The following TXNDC8 variants were observed in gnomAD, a reference collection of about 807,000 sequenced individuals.
TXNDC8 encodes the protein thioredoxin domain containing 8, also known as thioredoxin domain-containing protein 8.
TXNDC8 carries 15 observed loss-of-function variants against 12.9 expected under a neutral mutation model. The ratio of observed to expected loss-of-function variants is 1.16; its 90% confidence interval spans 0.78 to 1.79. The LOEUF is 1.79. Among genes scored for constraint, TXNDC8 ranks in the 40% most tolerant of loss-of-function variants. The pLI is 0.00. For synonymous variants in TXNDC8, 40 were observed against 35.4 expected, an observed-to-expected ratio of 1.13 and a Z score of -0.46; for missense variants, 128 against 113.2, an observed-to-expected ratio of 1.13 and a Z score of -0.59.
At chr9:110,321,277 A>T (rs958719289) in intron 3 of TXNDC8, among the ~76,000 whole-genome samples, 8 of 152,188 alleles carry the variant, frequency 5.3e-5, no homozygotes, top group Non-Finnish European at 8.8e-5. Context: ...GGCAATCCTG[A>T]GATTCTTGGC....
At chr9:110,325,124 C>T (rs79919010) in intron 3 of TXNDC8, among the ~76,000 whole-genome samples, 1 of 151,392 alleles carries the variant, frequency 6.6e-6, no homozygotes. Context: ...CATCCCCCCA[C>T]CCCCGAAAAA....
At chr9:110,319,443 G>T (rs1242434741) in intron 3 of TXNDC8, among the ~76,000 whole-genome samples, 3 of 152,306 alleles carry the variant, frequency 2.0e-5, no homozygotes, top group Middle Eastern at 3.4e-3. Flanking sequence ...TCCAGTGCTA[G>T]GCACTTTAGA....
chr9:110,311,215 A>G (rs1353477946), intron 3 of TXNDC8, among the ~76,000 whole-genome samples: 3 of 152,150 alleles, frequency 2.0e-5, no homozygotes, highest in Non-Finnish European at 2.9e-5. Context: ...CACAGTTTAC[A>G]TAAATCATCT....
intron 1 of TXNDC8, among the ~76,000 whole-genome samples, chr9:110,337,426 G>C (rs1403833522): frequency 6.6e-6 from 1 of 152,146 alleles, no homozygotes; most frequent in African/African-American, 2.4e-5. Flanking sequence ...AAAAGATGTG[G>C]ACTTCCTTAC....
chr9:110,317,461 A>T (rs1317291691), intron 3 of TXNDC8, among the ~76,000 whole-genome samples: 2 of 152,232 alleles, frequency 1.3e-5, no homozygotes, highest in Non-Finnish European at 2.9e-5. Context: ...CTCAAGGGAC[A>T]GGTATGCTCT....
chr9:110,324,048 G>T, intron 3 of TXNDC8: 7 of 1,540,036 alleles, frequency 4.5e-6, no homozygotes, highest in South Asian at 1.2e-5. Context: ...TGGTTCCTTG[G>T]AGGAAAATCA....
chr9:110,314,426 TTTTTCTTTTTTC>T (rs1838800541), intron 3 of TXNDC8, among the ~76,000 whole-genome samples: 1 of 135,864 alleles, frequency 7.4e-6, no homozygotes, highest in African/African-American at 3.1e-5. Flanking sequence ...TTTCTTTTTC[TTTTTCTTTTTTC>T]TTTTTTTTTT....
At position 110,304,453 on chromosome 9, in the gene TXNDC8, C is replaced by T; in HGVS notation, c.261+14G>A. ...CCCAGATTTCTAACTCTAACTTGAT[C>T]CCATTTCACTTACCAGGTTGCTCAT... On this transcript the variant is annotated intron_variant, in intron 4 of 4. Coordinates refer to ENST00000423740, the MANE Select transcript of TXNDC8 (RefSeq NM_001286946.2). 1 of 1,605,912 alleles carries T rather than the reference C, an allele frequency of 6.2e-7. No homozygotes were observed. Among genetic ancestry groups the T allele is most frequent in the South Asian group, 1.1e-5 (1 of 89,972 alleles).
At chr9:110,309,560 G>A (rs532147461) in intron 3 of TXNDC8, among the ~76,000 whole-genome samples, 284 of 152,208 alleles carry the variant, frequency 1.9e-3, no homozygotes, top group Non-Finnish European at 3.6e-3. Flanking sequence ...GGGCTTGAAC[G>A]CCTGACTTCA....
intron 2 of TXNDC8, among the ~76,000 whole-genome samples, chr9:110,328,248 C>G (rs1440815394): frequency 3.3e-5 from 5 of 152,120 alleles, no homozygotes; most frequent in Non-Finnish European, 5.9e-5. Context: ...GTTGGTACCT[C>G]TCATCATTAC....
chr9:110,334,258 C>T lies in TXNDC8; in HGVS notation c.87G>A (p.Ser29=), dbSNP rs770716781. Residue 29 remains serine (S), a synonymous_variant, in exon 2 of 5, where the codon TCG becomes TCA. Coordinates refer to ENST00000423740, the MANE Select transcript of TXNDC8 (RefSeq NM_001286946.2). The stretch of plus-strand genomic sequence containing the variant: ...TCCTTTTGCAGGGACCACACCGTTT[C>T]GAAGAAAATTGAACCACTGCGAGTT... The T allele has an allele frequency of 5.6e-6, 9 of 1,613,692 alleles. No individual in the cohort carries two copies. Among genetic ancestry groups the T allele is most frequent in the East Asian group, 2.2e-5 (1 of 44,866 alleles).
chr9:110,309,792 A>G (rs1396283441), intron 3 of TXNDC8, among the ~76,000 whole-genome samples: 1 of 152,216 alleles, frequency 6.6e-6, no homozygotes, highest in East Asian at 1.9e-4. Flanking sequence ...GCTGCTTACA[A>G]GCAGCACACA....
intron 1 of TXNDC8, among the ~76,000 whole-genome samples, chr9:110,336,593 G>A (rs1257099041): frequency 6.6e-6 from 1 of 152,078 alleles, no homozygotes; most frequent in Non-Finnish European, 1.5e-5. Flanking sequence ...CCTATACTAT[G>A]CCAGCTACTG....
intron 3 of TXNDC8, among the ~76,000 whole-genome samples, chr9:110,324,339 A>C (rs753181965): frequency 6.6e-6 from 1 of 152,218 alleles, no homozygotes; most frequent in East Asian, 1.9e-4. Flanking sequence ...TAAAAATCCA[A>C]ATGAGGGAAT....
At chr9:110,301,366 C>T (rs572696691), downstream of TXNDC8, among the ~76,000 whole-genome samples, 1 of 152,308 alleles carries the variant, frequency 6.6e-6, no homozygotes, top group Admixed American at 6.5e-5. Context: ...CTAGCAAGTA[C>T]ACTAAATATA....
chr9:110,337,704 A>G, intron 1 of TXNDC8, 69 bp downstream of exon 1: 1 of 1,455,038 alleles, frequency 6.9e-7, no homozygotes, highest in Non-Finnish European at 9.6e-7. Flanking sequence ...ACACATTCTT[A>G]AAGTTTTTCA....
intron 3 of TXNDC8, chr9:110,322,460 G>A (rs1839139796): frequency 1.0e-6 from 1 of 985,360 alleles, no homozygotes; most frequent in Middle Eastern, 5.2e-4. Flanking sequence ...TTAGAGACCA[G>A]TTAGATATAA....
chr9:110,323,449 TA>T lies in TXNDC8; in HGVS notation c.195+2725del, dbSNP rs113213734. The T allele has an allele frequency of 9.6e-5, 55 of 571,082 alleles. No individual in the cohort carries two copies. The African/African-American group carries it at 1.1e-3, about 11-fold the overall frequency. 35.4% of individuals were successfully genotyped at this position (571,082 alleles called of 1,614,324 possible). On this transcript the variant is annotated intron_variant, in intron 3 of 4. Coordinates refer to ENST00000423740, the MANE Select transcript of TXNDC8 (RefSeq NM_001286946.2). ...AGAATTGAGAAATGGCTATTTAAAT[TA>T]GGTGCAGGGAGATCCTTGGTGACTT... is the stretch of plus-strand genomic sequence containing the variant.
chr9:110,328,528 T>C (rs7868034), intron 2 of TXNDC8, among the ~76,000 whole-genome samples: 59,451 of 152,184 alleles, frequency 0.39, 13,430 homozygotes, highest in African/African-American at 0.63. Flanking sequence ...TTAACAAGGC[T>C]GGATGCAGTG....
Sources: allele counts gnomAD v4.1 joint callset (sites outside exome capture counted in the v4.1 genomes callset), GRCh38; gene constraint gnomAD v4.1.1; transcripts MANE v1.5; gene names NCBI Gene and HGNC (gene_info 2026-07-23, HGNC 2026-07-21).